FIBCD1: variants seen among roughly 807,000 people sequenced by gnomAD.
The protein encoded by FIBCD1 is fibrinogen C domain-containing protein 1.
FIBCD1 carries 47 observed loss-of-function variants against 45.1 expected under a neutral mutation model. That is an observed-to-expected ratio of 1.04 (90% CI 0.82 to 1.33). The LOEUF is 1.33. Among genes scored for constraint, FIBCD1 ranks in the 40% most tolerant of loss-of-function variants. The probability of loss-of-function intolerance (pLI) is 0.00; values close to 1 mark genes in which losing one functional copy is unlikely to be tolerated. For synonymous variants in FIBCD1, 313 were observed against 308.1 expected, an observed-to-expected ratio of 1.02 and a Z score of -0.17; for missense variants, 653 against 682.2, an observed-to-expected ratio of 0.96 and a Z score of 0.48.
At chr9:130,924,179 C>A in intron 3 of FIBCD1, 58 bp downstream of exon 3, 8 of 1,489,032 alleles carry the variant, frequency 5.4e-6, no homozygotes, top group African/African-American at 1.4e-5. Context: ...CCCAACTTCC[C>A]CGCTCCCCAG....
At chr9:130,931,455 G>A (rs182544957) in intron 1 of FIBCD1, among the ~76,000 whole-genome samples, 15 of 152,350 alleles carry the variant, frequency 9.8e-5, no homozygotes, top group African/African-American at 3.6e-4. Context: ...GTTACAGTGA[G>A]CCAAGACCAT....
chr9:130,934,630 C>T (rs1160297908), intron 1 of FIBCD1, among the ~76,000 whole-genome samples: 4 of 152,194 alleles, frequency 2.6e-5, no homozygotes, highest in South Asian at 2.1e-4. Context: ...ACCCTCCCCG[C>T]GACATACAGC....
At chr9:130,920,780 ACTGGAACAGGGGT>A (rs1243718814) in intron 4 of FIBCD1, among the ~76,000 whole-genome samples, 6 of 151,956 alleles carry the variant, frequency 3.9e-5, no homozygotes, top group African/African-American at 1.5e-4. Context: ...CACCCCCTAC[ACTGGAACAGGGGT>A]CTGTCCTCTG....
At chr9:130,939,262 G>C (rs1407024816), upstream of FIBCD1, 1 of 151,986 alleles carries the variant, frequency 6.6e-6, no homozygotes, top group Non-Finnish European at 1.5e-5. Flanking sequence ...CCGCCGGCCG[G>C]TTCGGCGTCT....
chr9:130,910,219 C>A (rs977351758), intron 5 of FIBCD1, among the ~76,000 whole-genome samples: 1 of 138,906 alleles, frequency 7.2e-6, no homozygotes, highest in East Asian at 2.3e-4. Flanking sequence ...CTCAGAGCAG[C>A]CGACCAGCCC....
chr9:130,912,392 CAAA>C (rs61490832), intron 4 of FIBCD1, among the ~76,000 whole-genome samples: 4,338 of 75,470 alleles, frequency 0.057, 109 homozygotes, highest in East Asian at 0.13. Flanking sequence ...GGCTCTCTCT[CAAA>C]AAAAAAAAAA....
chr9:130,906,646 T>A (rs1831933536), intron 5 of FIBCD1, among the ~76,000 whole-genome samples: 1 of 152,210 alleles, frequency 6.6e-6, no homozygotes, highest in Non-Finnish European at 1.5e-5. Context: ...TCTCCCTCTC[T>A]GGGCCCCAGC....
rs1355337166 is a variant in FIBCD1 at position 130,926,866 on chromosome 9, CAA to C, written c.553-2472_553-2471del. On this transcript the variant is annotated intron_variant, in intron 2 of 6. Coordinates refer to ENST00000372338, the MANE Select transcript of FIBCD1 (RefSeq NM_032843.5). The surrounding 1 kb of genome is among the most constrained non-coding windows in gnomAD (Gnocchi z 4.1). ...ATTAAAATAAAATAAAATGGGATAACAAATGTACTAACCTCCTGGCGTTATGG... is the reference window on the plus strand; with the variant it reads ...ATTAAAATAAAATAAAATGGGATAACATGTACTAACCTCCTGGCGTTATGG... Among the ~76,000 whole-genome samples, 1 of 152,058 alleles carries C rather than the reference CAA, an allele frequency of 6.6e-6. No individual in the cohort carries two copies. The highest frequency in any genetic ancestry group is 1.5e-5 in the Non-Finnish European group (1 of 68,006).
chr9:130,908,125 C>T (rs1442931456), intron 5 of FIBCD1, among the ~76,000 whole-genome samples: 1 of 152,002 alleles, frequency 6.6e-6, no homozygotes, highest in Non-Finnish European at 1.5e-5. Context: ...GACAAATGGC[C>T]AGAAGTTAAT....
intron 4 of FIBCD1, among the ~76,000 whole-genome samples, chr9:130,918,583 G>T (rs778914036): frequency 1.3e-4 from 20 of 152,252 alleles, no homozygotes; most frequent in Non-Finnish European, 2.4e-4. Flanking sequence ...GGGGGGCAGA[G>T]GGGTCCTGGC....
chr9:130,927,913 G>A (rs1487814841), intron 2 of FIBCD1, among the ~76,000 whole-genome samples: 2 of 152,186 alleles, frequency 1.3e-5, no homozygotes, highest in Non-Finnish European at 2.9e-5. Flanking sequence ...TGCCCGCCTC[G>A]GCTTCCCAAA....
intron 1 of FIBCD1, chr9:130,930,919 T>C (rs1043666014): frequency 5.1e-5 from 22 of 434,326 alleles, no homozygotes; most frequent in South Asian, 9.6e-5. Flanking sequence ...TGCCCTGGGG[T>C]AGCGGGCACC....
At position 130,929,686 on chromosome 9, in the gene FIBCD1, G is replaced by T; in HGVS notation, c.433C>A (p.Pro145Thr). 6.2e-7 allele frequency: 1 copy of T among 1,603,600 alleles called. No homozygotes were observed. The highest frequency in any genetic ancestry group is 8.5e-7 in the Non-Finnish European group (1 of 1,175,886). ...ELLDTLADQLPRLLARASELQ... is the reference protein window; with the variant it reads ...ELLDTLADQLTRLLARASELQ... ...TCTGAGGCTCGGGCCAGCAGCCGGGGCAGCTGGTCGGCCAGCGTGTCCAGC... is the reference window on the plus strand; with the variant it reads ...TCTGAGGCTCGGGCCAGCAGCCGGGTCAGCTGGTCGGCCAGCGTGTCCAGC... Residue 145 changes from proline to threonine, a missense_variant, in exon 2 of 7, where the codon CCC (proline) becomes ACC (threonine). Transcript: ENST00000372338.
At chr9:130,918,489 A>G (rs966899807) in intron 4 of FIBCD1, among the ~76,000 whole-genome samples, 2 of 152,190 alleles carry the variant, frequency 1.3e-5, no homozygotes, top group African/African-American at 4.8e-5. Context: ...CTGCTGCAGA[A>G]ACCAGTTACA....
At chr9:130,915,511 T>A (rs1191815151) in intron 4 of FIBCD1, among the ~76,000 whole-genome samples, 1 of 152,178 alleles carries the variant, frequency 6.6e-6, no homozygotes, top group Non-Finnish European at 1.5e-5. Flanking sequence ...GAGACCAGCC[T>A]GGCCAACACG....
rs1220615679 is a variant in FIBCD1 at position 130,919,156 on chromosome 9, A to C, written c.849+4588T>G. On this transcript the variant is annotated intron_variant, in intron 4 of 6. Coordinates refer to ENST00000372338, the MANE Select transcript of FIBCD1 (RefSeq NM_032843.5). ...GCGCGGGGCTGGGCCCTGCACGTGCATTGTCCTGTTTCTGTTCAAAGTTTG... is the reference window on the plus strand; with the variant it reads ...GCGCGGGGCTGGGCCCTGCACGTGCCTTGTCCTGTTTCTGTTCAAAGTTTG... Among the ~76,000 whole-genome samples, 3 of 152,142 alleles carry C rather than the reference A, an allele frequency of 2.0e-5. No individual in the cohort carries two copies. The East Asian group carries it at 5.8e-4, about 29-fold the overall frequency.
Position 130,938,629 on chromosome 9 carries a change from G to A in FIBCD1, c.-22C>T, listed in dbSNP as rs1421531500. ...CCATCTTCCGGCAGGACTGGCGGGG[G>A]CGCCGGGCGAGGCGCGCCGCTGCGG... On this transcript the variant is annotated 5_prime_UTR_variant, in exon 1 of 7. Transcript: ENST00000372338. 5 of 1,415,446 alleles carry A rather than the reference G, an allele frequency of 3.5e-6. No individual in the cohort carries two copies. Among genetic ancestry groups the A allele is most frequent in the African/African-American group, 1.5e-5 (1 of 66,740 alleles). The allele number at this position is 1,415,446 out of a possible 1,614,324, so 87.7% of individuals were successfully genotyped here. A position where few individuals can be genotyped will look rare whatever the true frequency, so the allele number is the denominator to read the frequency against.
chr9:130,909,070 C>T (rs1236317372), intron 5 of FIBCD1, among the ~76,000 whole-genome samples: 1 of 152,112 alleles, frequency 6.6e-6, no homozygotes, highest in African/African-American at 2.4e-5. Flanking sequence ...CCGCCAGGCA[C>T]GCAGGCCCAC....
intron 4 of FIBCD1, among the ~76,000 whole-genome samples, chr9:130,913,192 G>T (rs151020562): frequency 1.3e-5 from 2 of 151,690 alleles, no homozygotes. Flanking sequence ...TACAGGATCC[G>T]CTGACAATCC....
Sources: gnomAD v4.1 joint callset for allele counts (sites outside exome capture counted in the v4.1 genomes callset) on GRCh38, gnomAD v4.1.1 for gene constraint, Gnocchi (gnomAD v3.1) non-coding constraint, MANE v1.5 for transcripts, NCBI Gene and HGNC (gene_info 2026-07-23, HGNC 2026-07-21) for gene names.